The following FHIT variants were observed in gnomAD, a reference collection of about 807,000 sequenced individuals.
FHIT encodes the protein bis(5'-adenosyl)-triphosphatase.
In FHIT, 19 loss-of-function variants were observed where a neutral mutation model predicts 17.9. The ratio of observed to expected loss-of-function variants is 1.06; its 90% CI spans 0.74 to 1.56. The LOEUF is 1.56. Ranked by LOEUF, FHIT falls within the 40% of genes most tolerant of loss-of-function variation. The probability of loss-of-function intolerance (pLI) is 0.00; values close to 1 mark genes in which losing one functional copy is unlikely to be tolerated. For missense variants in FHIT, 248 were observed against 189.2 expected (o/e 1.31, Z -1.82); for synonymous variants, 81 against 69.7 (o/e 1.16, Z -0.81).
rs140610179 is a variant in FHIT, at chr3:60,334,089, G to A, written c.103+202771C>T. Among the ~76,000 whole-genome samples the A allele has an allele frequency of 4.4e-3, 668 of 152,254 alleles. 2 individuals are homozygous for A. The highest frequency in any genetic ancestry group is 0.015 in the African/African-American group (631 of 41,542). ...AAAGCCTTCTTCCTTGGCAATACTT[G>A]TTGTCTCAGTGACTGGCTTTCTATG... On this transcript the variant is annotated intron_variant, in intron 5 of 9. Transcript: ENST00000492590.
intron 5 of FHIT, among the ~76,000 whole-genome samples, chr3:60,115,480 G>A (rs1342220478): frequency 6.6e-6 from 1 of 152,118 alleles, no homozygotes; most frequent in Admixed American, 6.5e-5. Flanking sequence ...AAAATAGGCA[G>A]AGTATTTTCA....
At chr3:60,271,620 A>G (rs74968737) in intron 5 of FHIT, among the ~76,000 whole-genome samples, 2,933 of 152,268 alleles carry the variant, frequency 0.019, 40 homozygotes, top group Non-Finnish European at 0.03. Context: ...AAGTGCACGG[A>G]AAGTATAGAG....
At chr3:60,691,566 C>T (rs1239542403) in intron 4 of FHIT, among the ~76,000 whole-genome samples, 1 of 151,982 alleles carries the variant, frequency 6.6e-6, no homozygotes, top group Non-Finnish European at 1.5e-5. Flanking sequence ...GACAGGTTTA[C>T]ATGTTGCCCA....
chr3:60,187,130 T>A lies in FHIT; in HGVS notation c.104-172978A>T, dbSNP rs749134331. ...GGGGATCAAATGGTATACATTGTGA[T>A]TCATTTTCATTCTTCTTCTGTGTGT... On this transcript the variant is annotated intron_variant, in intron 5 of 9. Transcript: ENST00000492590. Among the ~76,000 whole-genome samples, 53 of 152,166 alleles carry A rather than the reference T, an allele frequency of 3.5e-4. 1 individual carries two copies. Among genetic ancestry groups the A allele is most frequent in the South Asian group, 1.7e-3 (8 of 4,824 alleles).
chr3:60,394,895 A>C (rs1201297431), intron 5 of FHIT, among the ~76,000 whole-genome samples: 2 of 152,190 alleles, frequency 1.3e-5, no homozygotes, highest in Non-Finnish European at 2.9e-5. Context: ...AAGTAAATAC[A>C]TGACAAAGAA....
At chr3:59,918,754 G>A (rs1250135483) in intron 8 of FHIT, among the ~76,000 whole-genome samples, 3 of 152,132 alleles carry the variant, frequency 2.0e-5, no homozygotes, top group Non-Finnish European at 4.4e-5. Context: ...AGGCAGTCGT[G>A]GCAACTGTAT....
chr3:61,092,608 T>A (rs1480348652), intron 2 of FHIT, among the ~76,000 whole-genome samples: 1 of 152,098 alleles, frequency 6.6e-6, no homozygotes, highest in Non-Finnish European at 1.5e-5. Flanking sequence ...AGTTATTTAG[T>A]AGTAATCTGT....
intron 4 of FHIT, among the ~76,000 whole-genome samples, chr3:60,810,926 T>C (rs1701552487): frequency 6.6e-6 from 1 of 152,166 alleles, no homozygotes; most frequent in African/African-American, 2.4e-5. Flanking sequence ...TAGAAATGAT[T>C]CAGCGTACTG....
At chr3:61,231,612 G>T (rs1454397804) in intron 1 of FHIT, among the ~76,000 whole-genome samples, 1 of 152,162 alleles carries the variant, frequency 6.6e-6, no homozygotes, top group African/African-American at 2.4e-5. Flanking sequence ...CATAGCATAT[G>T]GACAGTTACT....
intron 2 of FHIT, among the ~76,000 whole-genome samples, chr3:61,074,863 A>G (rs1206278970): frequency 2.0e-5 from 3 of 152,174 alleles, no homozygotes; most frequent in Non-Finnish European, 4.4e-5. Context: ...TTTACCCCAT[A>G]ACAGAATCCT....
intron 5 of FHIT, among the ~76,000 whole-genome samples, chr3:60,521,248 G>T (rs900631804): frequency 1.5e-3 from 143 of 93,022 alleles, no homozygotes; most frequent in African/African-American, 6.0e-3. Context: ...AAAAAAATAA[G>T]TATTATTATT....
At chr3:60,160,098 C>T (rs561168100) in intron 5 of FHIT, among the ~76,000 whole-genome samples, 1 of 151,400 alleles carries the variant, frequency 6.6e-6, no homozygotes, top group South Asian at 2.1e-4. Context: ...TCAAATGTTT[C>T]AGAAAACTAA....
intron 5 of FHIT, among the ~76,000 whole-genome samples, chr3:60,423,620 C>A (rs1702556605): frequency 6.6e-6 from 1 of 152,092 alleles, no homozygotes; most frequent in Non-Finnish European, 1.5e-5. Context: ...TTTCTAATTT[C>A]TTATGTATTA....
intron 7 of FHIT, among the ~76,000 whole-genome samples, chr3:59,953,831 A>C (rs574682425): frequency 1.3e-4 from 20 of 152,194 alleles, no homozygotes; most frequent in Non-Finnish European, 2.9e-4. Flanking sequence ...AGCATCCTGT[A>C]CCCCGAGTGT....
chr3:60,073,432 C>A (rs1013698217), intron 5 of FHIT, among the ~76,000 whole-genome samples: 1 of 152,226 alleles, frequency 6.6e-6, no homozygotes. Context: ...TATCCTGGGA[C>A]AACAAACAGC....
At chr3:59,909,462 T>C (rs1015770153) in intron 8 of FHIT, among the ~76,000 whole-genome samples, 10 of 152,204 alleles carry the variant, frequency 6.6e-5, no homozygotes, top group African/African-American at 1.7e-4. Flanking sequence ...CCTGTGTACA[T>C]GCGATTATGG....
At chr3:59,880,226 T>A (rs1231143521) in intron 8 of FHIT, among the ~76,000 whole-genome samples, 1 of 152,184 alleles carries the variant, frequency 6.6e-6, no homozygotes, top group Non-Finnish European at 1.5e-5. Context: ...CTGCTGTTTG[T>A]AGAATACTCC....
intron 3 of FHIT, among the ~76,000 whole-genome samples, chr3:61,022,272 C>T (rs930697858): frequency 6.6e-6 from 1 of 152,210 alleles, no homozygotes; most frequent in African/African-American, 2.4e-5. Flanking sequence ...TGGACACATA[C>T]ACCCTCCCAA....
intron 5 of FHIT, among the ~76,000 whole-genome samples, chr3:60,129,112 G>A (rs1271968369): frequency 7.1e-6 from 1 of 140,636 alleles, no homozygotes; most frequent in Non-Finnish European, 1.5e-5. Flanking sequence ...GAGTGCAGTG[G>A]CGCAATCTTG....
Sources: allele counts gnomAD v4.1 joint callset (sites outside exome capture counted in the v4.1 genomes callset), GRCh38; gene constraint gnomAD v4.1.1; transcripts MANE v1.5; gene names NCBI Gene and HGNC (gene_info 2026-07-23, HGNC 2026-07-21).